The following NLGN1 variants were observed in gnomAD, a reference collection of about 807,000 sequenced individuals.
NLGN1 encodes neuroligin-1.
NLGN1 carries 12 observed loss-of-function variants against 65.5 expected under a neutral mutation model. That is an observed-to-expected ratio of 0.18 (90% CI 0.12 to 0.30). NLGN1 has a LOEUF of 0.30. NLGN1 is among the 10% of genes least tolerant of loss of function. The pLI, the probability that NLGN1 is intolerant of heterozygous loss-of-function variation, is 1.00. For missense variants in NLGN1, 750 were observed against 1,007.1 expected (o/e 0.74, Z 3.46); for synonymous variants, 350 against 359.5 (o/e 0.97, Z 0.30).
chr3:173,999,852 G>A (rs1345581892), intron 4 of NLGN1, among the ~76,000 whole-genome samples: 2 of 151,976 alleles, frequency 1.3e-5, no homozygotes, highest in Non-Finnish European at 2.9e-5. Flanking sequence ...AAGTAAACTG[G>A]GCAAAACATT....
Position 173,400,284 on chromosome 3 carries a change from A to G in NLGN1, c.-390+1797A>G, listed in dbSNP as rs905563249. ...TTATTATTTCTGAAATATAGGTATG[A>G]TCTTATTAACATTGGCCAGTGGCTC... On this transcript the variant is annotated intron_variant, in intron 1 of 6. Coordinates refer to ENST00000457714, the Ensembl canonical transcript of NLGN1. Among the ~76,000 whole-genome samples, 10 of 152,070 alleles carry G rather than the reference A, an allele frequency of 6.6e-5. No individual in the cohort carries two copies. In the South Asian group the frequency reaches 8.3e-4, roughly 13 times the overall value.
intron 3 of NLGN1, among the ~76,000 whole-genome samples, chr3:173,766,719 C>T (rs1778834639): frequency 6.6e-6 from 1 of 152,064 alleles, no homozygotes; most frequent in Non-Finnish European, 1.5e-5. Flanking sequence ...TGAAATTTCA[C>T]AATTTGTAAA....
At chr3:173,918,147 T>G (rs576800832) in intron 4 of NLGN1, among the ~76,000 whole-genome samples, 16 of 152,290 alleles carry the variant, frequency 1.1e-4, no homozygotes, top group Admixed American at 9.2e-4. Flanking sequence ...AAGTAATGCA[T>G]TCGTTACTTA....
At chr3:174,274,351 T>A (rs751278911) in intron 4 of NLGN1, among the ~76,000 whole-genome samples, 4 of 151,922 alleles carry the variant, frequency 2.6e-5, no homozygotes, top group Admixed American at 6.6e-5. Context: ...TGAATATGTT[T>A]AAGATATTGC....
chr3:174,152,020 C>T (rs1005546460), intron 4 of NLGN1, among the ~76,000 whole-genome samples: 1 of 152,040 alleles, frequency 6.6e-6, no homozygotes, highest in Non-Finnish European at 1.5e-5. Context: ...AACACCTTTG[C>T]GTATCTGTTC....
At chr3:174,206,566 C>G (rs1165008380) in intron 4 of NLGN1, among the ~76,000 whole-genome samples, 1 of 152,196 alleles carries the variant, frequency 6.6e-6, no homozygotes, top group African/African-American at 2.4e-5. Context: ...GCCCCCACTG[C>G]TGTTCATTTT....
chr3:173,820,757 C>T (rs7612948), intron 4 of NLGN1, among the ~76,000 whole-genome samples: 14,109 of 151,990 alleles, frequency 0.093, 683 homozygotes, highest in Middle Eastern at 0.12. Context: ...CAGAGGTAAC[C>T]GGAGAGTAAA....
At chr3:173,623,071 C>T (rs372840131) in intron 3 of NLGN1, among the ~76,000 whole-genome samples, 1 of 152,058 alleles carries the variant, frequency 6.6e-6, no homozygotes, top group African/African-American at 2.4e-5. Context: ...TATGAAACCA[C>T]AAAGAGCCAG....
At chr3:173,967,800 A>C (rs1178286057) in intron 4 of NLGN1, among the ~76,000 whole-genome samples, 1 of 152,198 alleles carries the variant, frequency 6.6e-6, no homozygotes, top group Non-Finnish European at 1.5e-5. Flanking sequence ...CAATGAATAC[A>C]TATTATGTGA....
At chr3:173,534,272 T>C (rs565606334) in intron 2 of NLGN1, among the ~76,000 whole-genome samples, 9 of 152,232 alleles carry the variant, frequency 5.9e-5, no homozygotes, top group Non-Finnish European at 1.2e-4. Flanking sequence ...CAAATAAGTG[T>C]CCTCATTAAT....
At chr3:174,131,589 A>G (rs925148578) in intron 4 of NLGN1, among the ~76,000 whole-genome samples, 9 of 152,194 alleles carry the variant, frequency 5.9e-5, no homozygotes, top group African/African-American at 2.2e-4. Context: ...TATGAAGATA[A>G]TATACTTTTT....
intron 2 of NLGN1, among the ~76,000 whole-genome samples, chr3:173,521,877 T>C (rs1734815742): frequency 6.6e-6 from 1 of 152,212 alleles, no homozygotes. Context: ...CATGTTTTAT[T>C]TGGAAGAACA....
intron 2 of NLGN1, among the ~76,000 whole-genome samples, chr3:173,537,773 C>T (rs1040130093): frequency 5.9e-5 from 9 of 152,080 alleles, no homozygotes; most frequent in African/African-American, 1.9e-4. Flanking sequence ...CTTTCATTGA[C>T]TTTATGCACA....
At chr3:174,292,038 G>T in the NLGN1 span, among the ~76,000 whole-genome samples, 2 of 151,244 alleles carry the variant, frequency 1.3e-5, no homozygotes, top group African/African-American at 4.8e-5. Context: ...AGCAAAGAGG[G>T]ATATTGTGAT....
At chr3:173,741,506 T>G (rs563858380) in intron 3 of NLGN1, among the ~76,000 whole-genome samples, 1 of 152,190 alleles carries the variant, frequency 6.6e-6, no homozygotes, top group Non-Finnish European at 1.5e-5. Context: ...TTTGTTTTTG[T>G]TTTTGAGACA....
At chr3:173,678,439 G>A (rs1763474809) in intron 3 of NLGN1, among the ~76,000 whole-genome samples, 1 of 152,092 alleles carries the variant, frequency 6.6e-6, no homozygotes, top group South Asian at 2.1e-4. Flanking sequence ...AAAGCCATAG[G>A]AAAACTAGGG....
At chr3:173,467,340 G>A (rs1382506453) in intron 2 of NLGN1, among the ~76,000 whole-genome samples, 1 of 151,768 alleles carries the variant, frequency 6.6e-6, no homozygotes, top group African/African-American at 2.4e-5. Context: ...TAATTATAAT[G>A]TGCTGCAAAG....
intron 4 of NLGN1, among the ~76,000 whole-genome samples, chr3:174,096,754 T>A (rs910740750): frequency 2.0e-5 from 3 of 152,134 alleles, no homozygotes; most frequent in African/African-American, 7.2e-5. Flanking sequence ...TTGAAATATA[T>A]TATTCTAGTG....
At chr3:173,814,275 A>G (rs971354204) in intron 4 of NLGN1, among the ~76,000 whole-genome samples, 2 of 152,262 alleles carry the variant, frequency 1.3e-5, no homozygotes, top group African/African-American at 4.8e-5. Context: ...GGATAGAGCT[A>G]AAATACAATT....
Sources: gnomAD v4.1 joint callset for allele counts (sites outside exome capture counted in the v4.1 genomes callset) on GRCh38, gnomAD v4.1.1 for gene constraint, MANE v1.5 for transcripts, NCBI Gene and HGNC (gene_info 2026-07-23, HGNC 2026-07-21) for gene names.